TYW1B: variants seen among roughly 807,000 people sequenced by gnomAD.
TYW1B encodes tRNA-yW synthesizing protein 1 homolog B, also known as S-adenosyl-L-methionine-dependent tRNA 4-demethylwyosine synthase TYW1B.
A neutral mutation model predicts 86.9 loss-of-function variants in TYW1B; 73 were observed. That is an observed-to-expected ratio of 0.84 (90% CI 0.70 to 1.02). The LOEUF (loss-of-function observed/expected upper bound fraction) is 1.02, where lower values mean the gene tolerates loss of function less well. TYW1B is among the 50% of genes least tolerant of loss of function. TYW1B has a pLI of 0.00. For missense variants in TYW1B, 637 were observed against 827.4 expected, an observed-to-expected ratio of 0.77 and a Z score of 2.82; for synonymous variants, 248 against 292.8, an observed-to-expected ratio of 0.85 and a Z score of 1.56.
At chr7:72,598,353 G>A (rs1222398267) in intron 13 of TYW1B, among the ~76,000 whole-genome samples, 2 of 151,960 alleles carry the variant, frequency 1.3e-5, no homozygotes, top group Non-Finnish European at 2.9e-5. Context: ...GTGGGACCTT[G>A]TGATCGTGTA....
At chr7:72,804,468 T>C (rs1237972462) in intron 5 of TYW1B, among the ~76,000 whole-genome samples, 1 of 152,046 alleles carries the variant, frequency 6.6e-6, no homozygotes, top group African/African-American at 2.4e-5. Flanking sequence ...CGCCAGATGA[T>C]AGGATTATCA....
intron 6 of TYW1B, among the ~76,000 whole-genome samples, chr7:72,780,487 CA>C (rs1171227259): frequency 6.6e-6 from 1 of 152,110 alleles, no homozygotes; most frequent in Non-Finnish European, 1.5e-5. Context: ...CAGATAAATC[CA>C]AAACTGGACC....
chr7:72,721,692 T>C (rs1485103713), intron 9 of TYW1B, among the ~76,000 whole-genome samples: 5 of 152,050 alleles, frequency 3.3e-5, no homozygotes, highest in African/African-American at 1.2e-4. Context: ...TCTGTTCTCT[T>C]CATGGTGCCC....
chr7:72,701,775 T>G (rs1814481649), intron 10 of TYW1B, among the ~76,000 whole-genome samples: 1 of 152,222 alleles, frequency 6.6e-6, no homozygotes, highest in Non-Finnish European at 1.5e-5. Context: ...TCTGTTTGGT[T>G]AGCTTAGTGG....
intron 6 of TYW1B, among the ~76,000 whole-genome samples, chr7:72,779,028 G>A (rs1425859595): frequency 2.0e-5 from 3 of 152,012 alleles, no homozygotes; most frequent in Admixed American, 6.6e-5. Flanking sequence ...GACAACACAC[G>A]AGATCTGTGT....
At chr7:72,583,228 C>A (rs1811198475) in intron 13 of TYW1B, among the ~76,000 whole-genome samples, 1 of 151,974 alleles carries the variant, frequency 6.6e-6, no homozygotes, top group Non-Finnish European at 1.5e-5. Context: ...CAGCCTCCTG[C>A]AGTCCCAGCT....
intron 11 of TYW1B, among the ~76,000 whole-genome samples, chr7:72,654,118 A>C (rs1406403173): frequency 6.6e-6 from 1 of 151,764 alleles, no homozygotes; most frequent in Admixed American, 6.6e-5. Context: ...TCAGCAAACA[A>C]GGAATTAAGG....
At chr7:72,822,355 C>T (rs1470079638) in intron 2 of TYW1B, among the ~76,000 whole-genome samples, 2 of 151,890 alleles carry the variant, frequency 1.3e-5, no homozygotes, top group Non-Finnish European at 2.9e-5. Flanking sequence ...AACTAATGCA[C>T]ACAAATCGTC....
At chr7:72,702,386 T>C (rs1554452736) in intron 10 of TYW1B, among the ~76,000 whole-genome samples, 1 of 152,070 alleles carries the variant, frequency 6.6e-6, no homozygotes, top group Non-Finnish European at 1.5e-5. Context: ...AGTTACTGGT[T>C]TTCTTTTTTA....
At chr7:72,599,658 C>T (rs183983285) in intron 13 of TYW1B, among the ~76,000 whole-genome samples, 112 of 151,994 alleles carry the variant, frequency 7.4e-4, no homozygotes, top group African/African-American at 2.6e-3. Context: ...AAACAAAACC[C>T]CCTAGGAACT....
Position 72,701,607 on chromosome 7 carries a change from C to T in TYW1B, c.1371-6785G>A, listed in dbSNP as rs564051497. ...AGTGGCAACTCCGGAAATCAGATAC[C>T]TCTCAACCCAGGTTTGTTTGGTTTG... On this transcript the variant is annotated intron_variant, in intron 10 of 13. Coordinates refer to ENST00000620995, the MANE Select transcript of TYW1B (RefSeq NM_001145440.3). Among the ~76,000 whole-genome samples, 407 of 152,232 alleles carry T rather than the reference C, an allele frequency of 2.7e-3. 1 individual carries two copies. The highest frequency in any genetic ancestry group is 8.8e-3 in the African/African-American group (367 of 41,542).
intron 6 of TYW1B, among the ~76,000 whole-genome samples, chr7:72,801,213 C>T (rs1196936019): frequency 5.3e-5 from 8 of 152,044 alleles, no homozygotes; most frequent in African/African-American, 1.9e-4. Flanking sequence ...CCTGTAGTCC[C>T]GGCTACTCGG....
chr7:72,703,018 A>ATTT (rs1814519800), intron 10 of TYW1B, among the ~76,000 whole-genome samples: 2 of 14,446 alleles, frequency 1.4e-4, no homozygotes, highest in African/African-American at 5.1e-4. Flanking sequence ...ATATATATAT[A>ATTT]TATATATATT....
chr7:72,828,002 C>G, intron 1 of TYW1B, 70 bp downstream of exon 1: 2 of 1,602,468 alleles, frequency 1.2e-6, no homozygotes, highest in South Asian at 2.2e-5. Context: ...CCACTCCGCC[C>G]GGAGAGGGTC....
At chr7:72,797,852 T>C (rs1206170930) in intron 6 of TYW1B, among the ~76,000 whole-genome samples, 4 of 152,194 alleles carry the variant, frequency 2.6e-5, no homozygotes, top group East Asian at 1.9e-4. Flanking sequence ...CAGTCTTCTA[T>C]AGGACTCTGC....
intron 9 of TYW1B, among the ~76,000 whole-genome samples, chr7:72,719,391 G>A (rs1401764247): frequency 6.6e-6 from 1 of 151,976 alleles, no homozygotes; most frequent in African/African-American, 2.4e-5. Context: ...AGCACTTTGG[G>A]AGGCTGAGGC....
chr7:72,651,262 G>A (rs1563045895), intron 11 of TYW1B, among the ~76,000 whole-genome samples: 1 of 152,114 alleles, frequency 6.6e-6, no homozygotes, highest in Non-Finnish European at 1.5e-5. Flanking sequence ...AAATGATGCT[G>A]GTTCAATCAT....
At chr7:72,581,529 CT>C (rs535422408) in intron 13 of TYW1B, among the ~76,000 whole-genome samples, 1,533 of 152,160 alleles carry the variant, frequency 0.01, 29 homozygotes, top group African/African-American at 0.035. Flanking sequence ...GCAATCTCGG[CT>C]TCACTGCAAC....
At chr7:72,692,205 C>CAAAAAAAAAAAAAAAAAAAA (rs1168197742) in intron 11 of TYW1B, among the ~76,000 whole-genome samples, 5 of 62,806 alleles carry the variant, frequency 8.0e-5, no homozygotes, top group Non-Finnish European at 1.5e-4. Context: ...GACTCCATCT[C>CAAAAAAAAAAAAAAAAAAAA]AAAAAAAAAA....
Sources: gnomAD v4.1 joint callset for allele counts (sites outside exome capture counted in the v4.1 genomes callset) on GRCh38, gnomAD v4.1.1 for gene constraint, MANE v1.5 for transcripts, NCBI Gene and HGNC (gene_info 2026-07-23, HGNC 2026-07-21) for gene names.